Variants in KLRK1 observed in about 807,000 individuals in gnomAD.
KLRK1 encodes killer cell lectin like receptor K1, also known as NKG2-D type II integral membrane protein.
In KLRK1, 40 loss-of-function variants were observed where a neutral mutation model predicts 31.3. The observed-to-expected ratio is 1.28, with a 90% CI of 0.99 to 1.67. The LOEUF is 1.67. Ranked by LOEUF, KLRK1 falls within the 40% of genes most tolerant of loss-of-function variation. The probability of loss-of-function intolerance (pLI) is 0.00; values close to 1 mark genes in which losing one functional copy is unlikely to be tolerated. For missense variants in KLRK1, 251 were observed against 260.0 expected (o/e 0.97, Z 0.24); for synonymous variants, 77 against 77.3 (o/e 1.00, Z 0.02).
intron 6 of KLRK1, 83 bp downstream of exon 6, chr12:10,378,471 A>ATATG (rs1173012753): frequency 6.4e-7 from 1 of 1,573,036 alleles, no homozygotes; most frequent in Non-Finnish European, 8.6e-7. Flanking sequence ...AGTGTCCCTT[A>ATATG]TATGTTCTAG....
intron 3 of KLRK1, among the ~76,000 whole-genome samples, chr12:10,380,295 G>A (rs1863050149): frequency 6.6e-6 from 1 of 152,054 alleles, no homozygotes; most frequent in Non-Finnish European, 1.5e-5. Context: ...TCGATCTCCT[G>A]ACCTCGTGAT....
chr12:10,375,126 A>G (rs1329697948), intron 7 of KLRK1, among the ~76,000 whole-genome samples: 1 of 152,214 alleles, frequency 6.6e-6, no homozygotes, highest in East Asian at 1.9e-4. Context: ...TTACAAATAG[A>G]TAATAAGGAA....
chr12:10,388,206 A>AC (rs1863203097), intron 2 of KLRK1, among the ~76,000 whole-genome samples: 1 of 152,182 alleles, frequency 6.6e-6, no homozygotes, highest in Non-Finnish European at 1.5e-5. Flanking sequence ...GAGTAAAGAG[A>AC]GTAGGTATCA....
intron 3 of KLRK1, among the ~76,000 whole-genome samples, chr12:10,385,415 A>AT (rs1438544814): frequency 6.3e-5 from 9 of 142,106 alleles, no homozygotes; most frequent in African/African-American, 2.1e-4. Flanking sequence ...CCATTCAGTC[A>AT]TAAAAAAAAG....
rs994940578 is a variant in KLRK1, at chr12:10,373,201, G to C, written c.564C>G (p.Asp188Glu). The C allele has an allele frequency of 2.5e-6, 4 of 1,606,374 alleles. No homozygotes were observed. In the Admixed American group the frequency reaches 6.9e-5, roughly 28 times the overall value. The change falls in exon 8 of 8, where the codon GAC becomes GAG. Residue 188 changes from aspartate (D) to glutamate (E), a missense_variant. By Grantham distance (45) the Asp-to-Glu change is conservative. Transcript: ENST00000240618. ...TAAAGCTCGAGGCATAGAGTGCACAGTCTCCCTTCTGCATTTCAATTATTG... is the reference window on the plus strand; with the variant it reads ...TAAAGCTCGAGGCATAGAGTGCACACTCTCCCTTCTGCATTTCAATTATTG... Reference protein sequence around the residue: ...LLTIIEMQKGDCALYASSFKG... With the variant: ...LLTIIEMQKGECALYASSFKG...
At chr12:10,380,384 C>T (rs1863052598) in intron 3 of KLRK1, among the ~76,000 whole-genome samples, 1 of 152,056 alleles carries the variant, frequency 6.6e-6, no homozygotes, top group African/African-American at 2.4e-5. Context: ...TATTTTTATG[C>T]AGATACAATA....
intron 3 of KLRK1, among the ~76,000 whole-genome samples, chr12:10,383,273 A>G (rs1476682100): frequency 6.6e-6 from 1 of 152,090 alleles, no homozygotes; most frequent in Non-Finnish European, 1.5e-5. Context: ...CTTTGCTCAT[A>G]AAAACACACA....
chr12:10,378,165 T>G lies in KLRK1; in HGVS notation c.500A>C (p.Gln167Pro), dbSNP rs750062860. ...LVHIPTNGSW[Q>P]WEDGSILSPN... ...TGAGAGAATGGAGCCATCTTCCCAC[T>G]GCCAAGATCCATTTGTTGGAATGTG... The change falls in exon 7 of 8, where the codon CAG becomes CCG. Residue 167 changes from glutamine (Q) to proline (P), a missense_variant. Gln to Pro is a moderately conservative substitution (Grantham distance 76). Coordinates refer to ENST00000240618, the MANE Select transcript of KLRK1 (RefSeq NM_007360.4). 6.2e-7 allele frequency: 1 copy of G among 1,614,132 alleles called. No homozygotes were observed. The highest frequency in any genetic ancestry group is 1.3e-5 in the African/African-American group (1 of 75,048).
rs545769255 is a variant in KLRK1 at position 10,379,781 on chromosome 12, A to T, written c.160T>A (p.Phe54Ile). The change falls in exon 4 of 8, where the codon TTT becomes ATT. Residue 54 changes from phenylalanine to isoleucine, a missense_variant. Physicochemically the swap from Phe to Ile is conservative, Grantham distance 21. Transcript: ENST00000240618. ...SKCRENASPF[F>I]FCCFIAVAMG... The stretch of plus-strand genomic sequence containing the variant: ...GCTACAGCGATGAAGCAGCAGAAAA[A>T]AAATGGAGATGCTGTCAAAGAAAAA... 3 of 1,611,596 alleles carry T rather than the reference A, an allele frequency of 1.9e-6. No individual in the cohort carries two copies. Among genetic ancestry groups the T allele is most frequent in the African/African-American group, 1.3e-5 (1 of 74,906 alleles).
chr12:10,379,804 A>G lies in KLRK1; in HGVS notation c.149-12T>C. On this transcript the variant is annotated splice_polypyrimidine_tract_variant and intron_variant, in intron 3 of 7. Transcript: ENST00000240618. ...AAAAAATGGAGATGCTGTCAAAGAA[A>G]AAAGACACAGATCAGAGAAAGAAGC... 1.2e-6 allele frequency: 2 copies of G among 1,609,320 alleles called. No individual in the cohort carries two copies. The highest frequency in any genetic ancestry group is 1.7e-6 in the Non-Finnish European group (2 of 1,177,966).
At chr12:10,381,619 A>AT (rs1161050819) in intron 3 of KLRK1, among the ~76,000 whole-genome samples, 7 of 152,228 alleles carry the variant, frequency 4.6e-5, no homozygotes, top group Non-Finnish European at 8.8e-5. Context: ...AATTAAGAAA[A>AT]TGGCAGAAGA....
Position 10,387,004 on chromosome 12 carries a change from C to G in KLRK1, c.47G>C (p.Ser16Thr), listed in dbSNP as rs1863178191. 2.5e-6 allele frequency: 4 copies of G among 1,609,280 alleles called. No individual in the cohort carries two copies. The highest frequency in any genetic ancestry group is 3.4e-6 in the Non-Finnish European group (4 of 1,177,644). The change falls in exon 3 of 8, where the codon AGT (serine) becomes ACT (threonine). Residue 16 changes from serine (S) to threonine (T), a missense_variant. Ser to Thr is a moderately conservative substitution (Grantham distance 58). Coordinates refer to ENST00000240618, the MANE Select transcript of KLRK1 (RefSeq NM_007360.4). ...GRRSRHSWEM[S>T]EFHNYNLDLK... ...ATCCAAGTTATAATTATGAAATTCA[C>G]TCATCTCTAGAGAAAAAGAATTCAG...
chr12:10,385,034 A>G (rs1474752362), intron 3 of KLRK1, among the ~76,000 whole-genome samples: 5 of 152,042 alleles, frequency 3.3e-5, no homozygotes, highest in Non-Finnish European at 5.9e-5. Flanking sequence ...CAAAACCACA[A>G]TGAATATCAT....
chr12:10,372,997 A>T lies in KLRK1; in HGVS notation c.*117T>A. 1 of 844,422 alleles carries T rather than the reference A, an allele frequency of 1.2e-6. No individual in the cohort carries two copies. The highest frequency in any genetic ancestry group is 1.9e-6 in the Non-Finnish European group (1 of 529,512). The allele number at this position is 844,422 out of a possible 1,614,324, so 52.3% of individuals were successfully genotyped here. On this transcript the variant is annotated 3_prime_UTR_variant, in exon 8 of 8. Coordinates refer to ENST00000240618, the MANE Select transcript of KLRK1 (RefSeq NM_007360.4). ...GGTCCTGTGGAGTCTAAGAAATCTG[A>T]CAGTCTTTGGTCATTTTGTCCTGTT...
chr12:10,376,903 G>T (rs1414266903), intron 7 of KLRK1, among the ~76,000 whole-genome samples: 1 of 148,866 alleles, frequency 6.7e-6, no homozygotes, highest in Non-Finnish European at 1.5e-5. Flanking sequence ...TGCAACCTCC[G>T]TCTCCCGGGT....
At chr12:10,381,412 C>T (rs889990761) in intron 3 of KLRK1, among the ~76,000 whole-genome samples, 8 of 152,116 alleles carry the variant, frequency 5.3e-5, no homozygotes, top group African/African-American at 1.7e-4. Flanking sequence ...AGTCCTATAT[C>T]TGGAAGCAAA....
At chr12:10,385,333 T>C (rs1212064833) in intron 3 of KLRK1, among the ~76,000 whole-genome samples, 1 of 148,886 alleles carries the variant, frequency 6.7e-6, no homozygotes, top group Non-Finnish European at 1.5e-5. Flanking sequence ...AATTAACCTG[T>C]GTCCATTAAC....
chr12:10,383,673 T>C (rs960901163), intron 3 of KLRK1, among the ~76,000 whole-genome samples: 11 of 152,090 alleles, frequency 7.2e-5, no homozygotes, highest in African/African-American at 2.4e-4. Flanking sequence ...GTACAGAACA[T>C]TTCATCCAAC....
At chr12:10,379,889 G>T in intron 3 of KLRK1, 97 bp from the exon 4 acceptor site, 1 of 1,123,032 alleles carries the variant, frequency 8.9e-7, no homozygotes, top group Non-Finnish European at 1.2e-6. Flanking sequence ...AAATGAGAAG[G>T]TGGTATTGAT....
Sources: gnomAD v4.1 joint callset for allele counts (sites outside exome capture counted in the v4.1 genomes callset) on GRCh38, gnomAD v4.1.1 for gene constraint, MANE v1.5 for transcripts, NCBI Gene and HGNC (gene_info 2026-07-23, HGNC 2026-07-21) for gene names.